DNM3: variants seen among roughly 807,000 people sequenced by gnomAD.
DNM3 encodes the protein dynamin 3, also known as dynamin-3.
In DNM3, 47 loss-of-function variants were observed where a neutral mutation model predicts 101.6. That is an observed-to-expected ratio of 0.46 (90% CI 0.37 to 0.59). DNM3 has a LOEUF of 0.59. DNM3 is among the 20% of genes least tolerant of loss of function. The pLI, the probability that DNM3 is intolerant of heterozygous loss-of-function variation, is 0.00. For synonymous variants in DNM3, 385 were observed against 387.9 expected (o/e 0.99, Z 0.09); for missense variants, 849 against 1,085.7 (o/e 0.78, Z 3.06).
chr1:172,065,279 T>C lies in DNM3; in HGVS notation c.1336-3540T>C, dbSNP rs145155879. The stretch of plus-strand genomic sequence containing the variant: ...CTAAATGCTGTTAAAGCCATCTCAC[T>C]CTTCCTTGGTAGACCTCAAATGCTT... On this transcript the variant is annotated intron_variant, in intron 10 of 20. Transcript: ENST00000627582. Among the ~76,000 whole-genome samples the C allele has an allele frequency of 1.4e-3, 220 of 152,354 alleles. 2 individuals carry two copies. Among genetic ancestry groups the C allele is most frequent in the African/African-American group, 5.1e-3 (213 of 41,584 alleles).
intron 14 of DNM3, among the ~76,000 whole-genome samples, chr1:172,159,218 A>G (rs748629608): frequency 6.6e-6 from 1 of 152,120 alleles, no homozygotes; most frequent in Non-Finnish European, 1.5e-5. Flanking sequence ...AAAGCCGTCT[A>G]TGGAAAAGAA....
At chr1:172,155,025 A>G (rs2058284220) in intron 14 of DNM3, among the ~76,000 whole-genome samples, 1 of 152,080 alleles carries the variant, frequency 6.6e-6, no homozygotes, top group African/African-American at 2.4e-5. Context: ...AACTGTTTTT[A>G]TTTTGAGAAA....
chr1:172,283,256 C>T (rs1016311869), intron 15 of DNM3, among the ~76,000 whole-genome samples: 2 of 152,180 alleles, frequency 1.3e-5, no homozygotes, highest in African/African-American at 4.8e-5. Context: ...CATCTCTCTT[C>T]TCTTTAGTCA....
intron 1 of DNM3, among the ~76,000 whole-genome samples, chr1:171,879,281 A>G (rs1481211979): frequency 1.3e-5 from 2 of 152,224 alleles, no homozygotes; most frequent in Non-Finnish European, 2.9e-5. Context: ...GTTTGAGTGA[A>G]AAATAATTTA....
chr1:171,851,604 G>T (rs1412517230), intron 1 of DNM3, among the ~76,000 whole-genome samples: 1 of 152,198 alleles, frequency 6.6e-6, no homozygotes, highest in Non-Finnish European at 1.5e-5. Flanking sequence ...AGTAGAGACG[G>T]GGTTTCGCTA....
intron 10 of DNM3, among the ~76,000 whole-genome samples, chr1:172,063,729 A>G (rs182383605): frequency 4.6e-4 from 70 of 151,108 alleles, no homozygotes; most frequent in African/African-American, 1.7e-3. Context: ...CAGTGAGCCA[A>G]GATGTACCAC....
chr1:172,153,345 C>T (rs893890874), intron 14 of DNM3, among the ~76,000 whole-genome samples: 1 of 152,140 alleles, frequency 6.6e-6, no homozygotes, highest in African/African-American at 2.4e-5. Context: ...TAGCAAATAC[C>T]ATTTCTACCC....
chr1:172,099,220 C>T (rs1188831014), intron 13 of DNM3, among the ~76,000 whole-genome samples: 2 of 152,154 alleles, frequency 1.3e-5, no homozygotes, highest in African/African-American at 2.4e-5. Context: ...CAAGCAACCT[C>T]AGGATTTCAG....
intron 15 of DNM3, among the ~76,000 whole-genome samples, chr1:172,282,881 A>G (rs542897570): frequency 1.0e-3 from 153 of 152,320 alleles, no homozygotes; most frequent in African/African-American, 3.6e-3. Context: ...AGGCACATGG[A>G]CAGCTTATGT....
chr1:172,115,621 T>C (rs2055835641), intron 13 of DNM3, among the ~76,000 whole-genome samples: 2 of 152,164 alleles, frequency 1.3e-5, no homozygotes, highest in South Asian at 4.1e-4. Context: ...TTGGCTTCCT[T>C]GGTGTTCCTG....
chr1:172,326,880 C>T (rs1329076843), intron 17 of DNM3, among the ~76,000 whole-genome samples: 2 of 151,996 alleles, frequency 1.3e-5, no homozygotes, highest in African/African-American at 2.4e-5. Flanking sequence ...CATGTAAGCT[C>T]GTGCCTTGTG....
rs115352926 is a variant in DNM3 at position 172,418,416 on chromosome 1, T to C, written c.*99T>C. The C allele has an allele frequency of 2.7e-3, 2,784 of 1,014,696 alleles. 61 individuals are homozygous for C. In the African/African-American group the frequency reaches 0.044, roughly 16 times the overall value. The allele number at this position is 1,014,696 out of a possible 1,614,324, so 62.9% of individuals were successfully genotyped here. On this transcript the variant is annotated 3_prime_UTR_variant, in exon 21 of 21. Coordinates refer to the DNM3 transcript ENST00000485254. ...ATATGTCGTATGTACATAAAAACTT[T>C]TATTTTTCATCCATGTGTATAATAA...
intron 12 of DNM3, among the ~76,000 whole-genome samples, chr1:172,085,223 G>A (rs1368602710): frequency 6.7e-6 from 1 of 150,060 alleles, no homozygotes; most frequent in Non-Finnish European, 1.5e-5. Context: ...TGACTTAAGG[G>A]TTTTAATTTG....
chr1:172,038,241 C>G, intron 6 of DNM3, 78 bp from the exon 7 acceptor site: 1 of 1,543,588 alleles, frequency 6.5e-7, no homozygotes, highest in Admixed American at 2.0e-5. Context: ...GGAGGCGGAT[C>G]TTTGTCTCAT....
At chr1:172,302,420 T>C (rs1159371357) in intron 15 of DNM3, among the ~76,000 whole-genome samples, 2 of 152,236 alleles carry the variant, frequency 1.3e-5, no homozygotes, top group Non-Finnish European at 2.9e-5. Flanking sequence ...GCTACCTCTA[T>C]GGACTCCACA....
intron 14 of DNM3, among the ~76,000 whole-genome samples, chr1:172,160,062 TAA>T (rs61338593): frequency 3.2e-4 from 35 of 110,476 alleles, no homozygotes; most frequent in African/African-American, 6.7e-4. Flanking sequence ...GCATAAAAGA[TAA>T]AAAAAAAAAA....
At chr1:171,859,159 C>T (rs1571280293) in intron 1 of DNM3, among the ~76,000 whole-genome samples, 1 of 152,254 alleles carries the variant, frequency 6.6e-6, no homozygotes, top group Admixed American at 6.5e-5. Context: ...TTTTACCTGG[C>T]TGTGTAGCAT....
At chr1:171,886,792 G>A (rs2036816073) in intron 1 of DNM3, among the ~76,000 whole-genome samples, 1 of 152,082 alleles carries the variant, frequency 6.6e-6, no homozygotes. Flanking sequence ...CATTTATAAG[G>A]CATTTGATTA....
chr1:172,209,474 A>G (rs1323582030), intron 14 of DNM3, among the ~76,000 whole-genome samples: 1 of 151,972 alleles, frequency 6.6e-6, no homozygotes, highest in Non-Finnish European at 1.5e-5. Flanking sequence ...GGTTTATTAA[A>G]CATTTCTGTT....
Sources: gnomAD v4.1 joint callset for allele counts (sites outside exome capture counted in the v4.1 genomes callset) on GRCh38, gnomAD v4.1.1 for gene constraint, MANE v1.5 for transcripts, NCBI Gene and HGNC (gene_info 2026-07-23, HGNC 2026-07-21) for gene names.